Variants in GRHL2 observed in about 807,000 individuals in gnomAD.
GRHL2 encodes the protein grainyhead-like protein 2 homolog.
In GRHL2, 21 loss-of-function variants were observed where a neutral mutation model predicts 83.8. The ratio of observed to expected loss-of-function variants is 0.25; its 90% CI spans 0.18 to 0.36. The LOEUF (loss-of-function observed/expected upper bound fraction) is 0.36, where lower values mean the gene tolerates loss of function less well. Among genes scored for constraint, GRHL2 ranks in the 10% least tolerant of loss-of-function variants. The probability of loss-of-function intolerance (pLI) is 1.00; values close to 1 mark genes in which losing one functional copy is unlikely to be tolerated. For missense variants in GRHL2, 623 were observed against 781.8 expected (o/e 0.80, Z 2.42); for synonymous variants, 280 against 278.9 (o/e 1.00, Z -0.04).
At chr8:101,607,707 A>G (rs1563604886) in intron 8 of GRHL2, among the ~76,000 whole-genome samples, 1 of 152,128 alleles carries the variant, frequency 6.6e-6, no homozygotes, top group African/African-American at 2.4e-5. Context: ...GGCAAATGGC[A>G]TTTTTTTATG....
At chr8:101,501,857 G>A (rs184763816) in intron 1 of GRHL2, among the ~76,000 whole-genome samples, 2 of 151,654 alleles carry the variant, frequency 1.3e-5, no homozygotes, top group East Asian at 3.9e-4. Flanking sequence ...AAAATTTGGA[G>A]TTTTGATTAG....
At chr8:101,614,893 A>C (rs913878972) in intron 8 of GRHL2, among the ~76,000 whole-genome samples, 1 of 152,224 alleles carries the variant, frequency 6.6e-6, no homozygotes, top group Admixed American at 6.5e-5. Context: ...CAAGGTACTG[A>C]AACTGTGCTT....
chr8:101,552,678 C>A (rs1811408887), intron 2 of GRHL2, 37 bp from the exon 3 acceptor site: 1 of 1,601,854 alleles, frequency 6.2e-7, no homozygotes, highest in South Asian at 1.1e-5. Flanking sequence ...ATGGTTGCCT[C>A]TGTGTATGTC....
chr8:101,509,157 C>CTTTCTTTCTTTTCTCT (rs1554581566), intron 1 of GRHL2, among the ~76,000 whole-genome samples: 8 of 27,402 alleles, frequency 2.9e-4, no homozygotes, highest in East Asian at 1.6e-3. Flanking sequence ...TTCCTTCCTT[C>CTTTCTTTCTTTTCTCT]CTTTCTTTCT....
At chr8:101,648,101 G>A (rs1184547897) in intron 13 of GRHL2, among the ~76,000 whole-genome samples, 2 of 152,154 alleles carry the variant, frequency 1.3e-5, no homozygotes, top group African/African-American at 4.8e-5. Context: ...ATCACTGGGA[G>A]GAGGGAGACC....
intron 1 of GRHL2, among the ~76,000 whole-genome samples, chr8:101,523,670 G>C (rs985471578): frequency 1.3e-5 from 2 of 151,828 alleles, no homozygotes; most frequent in Non-Finnish European, 2.9e-5. Context: ...TGTAAAGATG[G>C]GTTTTTGCCA....
At chr8:101,527,752 C>A (rs928263539) in intron 1 of GRHL2, among the ~76,000 whole-genome samples, 1 of 152,150 alleles carries the variant, frequency 6.6e-6, no homozygotes, top group Non-Finnish European at 1.5e-5. Flanking sequence ...TGAGTGGAAT[C>A]GTTTTTGAAT....
At chr8:101,590,379 A>G (rs781191937) in intron 7 of GRHL2, among the ~76,000 whole-genome samples, 3 of 152,184 alleles carry the variant, frequency 2.0e-5, no homozygotes, top group Non-Finnish European at 4.4e-5. Context: ...TTCAAGTCAG[A>G]GCAAATACTC....
At chr8:101,562,800 A>G (rs1486979757) in intron 4 of GRHL2, among the ~76,000 whole-genome samples, 1 of 152,218 alleles carries the variant, frequency 6.6e-6, no homozygotes, top group East Asian at 1.9e-4. Flanking sequence ...TCTGCATTCA[A>G]GATGGGGGTC....
downstream of GRHL2, among the ~76,000 whole-genome samples, chr8:101,673,774 A>C (rs1225433518): frequency 6.6e-6 from 1 of 151,996 alleles, no homozygotes; most frequent in African/African-American, 2.4e-5. Flanking sequence ...GCACCACACC[A>C]CACCTATTCC....
chr8:101,557,383 C>A (rs900317438), intron 3 of GRHL2, among the ~76,000 whole-genome samples: 2 of 151,940 alleles, frequency 1.3e-5, no homozygotes, highest in Admixed American at 6.6e-5. Context: ...TGCCACTGTG[C>A]CTGGCTAATT....
chr8:101,602,628 C>T (rs1350092005), intron 8 of GRHL2, among the ~76,000 whole-genome samples: 1 of 152,172 alleles, frequency 6.6e-6, no homozygotes, highest in Non-Finnish European at 1.5e-5. Context: ...TTTTAAGTCT[C>T]TTGGATAATT....
intron 1 of GRHL2, among the ~76,000 whole-genome samples, chr8:101,537,793 A>T (rs974362175): frequency 2.6e-4 from 40 of 152,188 alleles, no homozygotes; most frequent in Non-Finnish European, 5.6e-4. Context: ...TCAAGACAAA[A>T]ATTCCATAAA....
At chr8:101,625,942 G>A (rs1206958407) in intron 9 of GRHL2, among the ~76,000 whole-genome samples, 1 of 151,988 alleles carries the variant, frequency 6.6e-6, no homozygotes, top group African/African-American at 2.4e-5. Flanking sequence ...GTCCTGCAGG[G>A]TGTATTCATC....
downstream of GRHL2, among the ~76,000 whole-genome samples, chr8:101,672,677 C>T (rs1374756705): frequency 3.3e-5 from 5 of 151,756 alleles, no homozygotes; most frequent in African/African-American, 1.2e-4. Flanking sequence ...GGCAGGCCAA[C>T]GTTCAGATTC....
At chr8:101,542,509 C>T (rs1811174266) in intron 1 of GRHL2, among the ~76,000 whole-genome samples, 2 of 151,080 alleles carry the variant, frequency 1.3e-5, no homozygotes, top group South Asian at 2.1e-4. Flanking sequence ...GCCGAGATTG[C>T]ACCATTGCAC....
At chr8:101,497,460 T>C (rs1195798316) in intron 1 of GRHL2, among the ~76,000 whole-genome samples, 1 of 152,218 alleles carries the variant, frequency 6.6e-6, no homozygotes, top group African/African-American at 2.4e-5. Flanking sequence ...CCATTTTCAA[T>C]GAAGTAAACT....
chr8:101,577,322 C>A, intron 6 of GRHL2, 86 bp from the exon 7 acceptor site: 2 of 829,940 alleles, frequency 2.4e-6, no homozygotes, highest in Non-Finnish European at 4.1e-6. Context: ...GACACAAACA[C>A]ACCTCTGGTA....
intron 2 of GRHL2, among the ~76,000 whole-genome samples, chr8:101,546,466 G>A (rs1811269073): frequency 6.6e-6 from 1 of 150,940 alleles, no homozygotes; most frequent in Non-Finnish European, 1.5e-5. Context: ...CTGGAGTGCA[G>A]TGGCATGATC....
Sources: allele counts gnomAD v4.1 joint callset (sites outside exome capture counted in the v4.1 genomes callset), GRCh38; gene constraint gnomAD v4.1.1; transcripts MANE v1.5; gene names NCBI Gene and HGNC (gene_info 2026-07-23, HGNC 2026-07-21).